The following THSD7A variants were observed in gnomAD, a reference collection of about 807,000 sequenced individuals.
THSD7A encodes the protein thrombospondin type-1 domain-containing protein 7A.
Under a neutral mutation model 231.3 loss-of-function variants are expected in THSD7A, and 96 were observed. The observed-to-expected ratio is 0.41, with a 90% confidence interval of 0.35 to 0.49. The LOEUF is 0.49. THSD7A is among the 20% of genes least tolerant of loss of function. The probability of loss-of-function intolerance (pLI) is 0.05; values close to 1 mark genes in which losing one functional copy is unlikely to be tolerated. For missense variants in THSD7A, 2,290 were observed against 2,070.2 expected (o/e 1.11, Z -2.06); for synonymous variants, 940 against 743.3 (o/e 1.26, Z -4.30).
intron 6 of THSD7A, among the ~76,000 whole-genome samples, chr7:11,537,395 G>C (rs78862486): frequency 1.3e-5 from 2 of 152,168 alleles, no homozygotes; most frequent in Non-Finnish European, 2.9e-5. Flanking sequence ...TGGATCACAG[G>C]GGTAGATTTC....
At position 11,745,505 on chromosome 7, in the gene THSD7A, A is replaced by G. The variant is rs148202829; in HGVS notation, c.190+86252T>C. The stretch of plus-strand genomic sequence containing the variant: ...TGCCCTTGCTTTTTGTGTTTTAGAA[A>G]TGAAGTCCTTGCCCATGCCTATTTC... On this transcript the variant is annotated intron_variant, in intron 1 of 27. Coordinates refer to ENST00000423059, the MANE Select transcript of THSD7A (RefSeq NM_015204.3). 4.8e-3 allele frequency among the ~76,000 whole-genome samples: 730 copies of G among 152,188 alleles called. 3 individuals are homozygous for G. The highest frequency in any genetic ancestry group is 0.01 in the Middle Eastern group (3 of 294).
chr7:11,770,975 C>T (rs1252221921), intron 1 of THSD7A, among the ~76,000 whole-genome samples: 1 of 151,388 alleles, frequency 6.6e-6, no homozygotes, highest in East Asian at 1.9e-4. Flanking sequence ...TTTTAATATT[C>T]ATGAATTTTT....
At chr7:11,442,868 C>T (rs933963805) in intron 13 of THSD7A, among the ~76,000 whole-genome samples, 14 of 152,014 alleles carry the variant, frequency 9.2e-5, no homozygotes, top group Admixed American at 3.9e-4. Context: ...GAGATCCTTT[C>T]GGAATCCCCA....
chr7:11,643,800 T>C (rs1312755591), intron 1 of THSD7A, among the ~76,000 whole-genome samples: 1 of 152,098 alleles, frequency 6.6e-6, no homozygotes, highest in Non-Finnish European at 1.5e-5. Flanking sequence ...TAAAGAATGC[T>C]ATAATGAACC....
At chr7:11,645,369 T>C (rs761813125) in intron 1 of THSD7A, among the ~76,000 whole-genome samples, 13 of 151,892 alleles carry the variant, frequency 8.6e-5, no homozygotes, top group Non-Finnish European at 1.9e-4. Context: ...TTTTCTGTTT[T>C]TGATATGCAG....
chr7:11,448,203 T>G (rs137896187), intron 11 of THSD7A, among the ~76,000 whole-genome samples: 200 of 152,192 alleles, frequency 1.3e-3, no homozygotes, highest in African/African-American at 4.5e-3. Context: ...TCATAAAAAT[T>G]ATTTCGCCTA....
intron 1 of THSD7A, among the ~76,000 whole-genome samples, chr7:11,763,530 ATC>A (rs1291772754): frequency 6.6e-6 from 1 of 152,194 alleles, no homozygotes; most frequent in African/African-American, 2.4e-5. Flanking sequence ...ATATAGATAT[ATC>A]TGTGTATATG....
intron 1 of THSD7A, among the ~76,000 whole-genome samples, chr7:11,660,007 T>G (rs759904952): frequency 1.8e-4 from 28 of 151,566 alleles, no homozygotes; most frequent in Admixed American, 1.6e-3. Context: ...CAAGGTAATT[T>G]ACATGTGTAT....
chr7:11,463,874 T>A (rs1027554867), intron 9 of THSD7A, among the ~76,000 whole-genome samples: 1 of 152,176 alleles, frequency 6.6e-6, no homozygotes, highest in African/African-American at 2.4e-5. Context: ...ATGACCTGTA[T>A]TTTAAGGCCC....
chr7:11,588,350 G>C (rs1009801619), intron 4 of THSD7A, among the ~76,000 whole-genome samples: 1 of 152,088 alleles, frequency 6.6e-6, no homozygotes, highest in African/African-American at 2.4e-5. Context: ...TTTTTAGGGA[G>C]AATTAACTGT....
chr7:11,451,355 T>C (rs61357586), intron 11 of THSD7A, among the ~76,000 whole-genome samples: 1,605 of 152,134 alleles, frequency 0.011, 79 homozygotes, highest in Admixed American at 0.071. Context: ...TATAATGCTA[T>C]TGTTATGTTA....
In THSD7A at chr7:11,397,165, A is replaced by T. The variant is rs538091419; in HGVS notation, c.4411+4630T>A. Among the ~76,000 whole-genome samples, 19 of 151,968 alleles carry T rather than the reference A, an allele frequency of 1.3e-4. 1 individual carries two copies. In the South Asian group the frequency reaches 3.7e-3, roughly 30 times the overall value. Reference sequence around the variant, plus strand: ...TAAGAGCTATTTATGTCAAACCCACAGCCACAGGGCTACAGTAACCAAAAC... The same window carrying T: ...TAAGAGCTATTTATGTCAAACCCACTGCCACAGGGCTACAGTAACCAAAAC... On this transcript the variant is annotated intron_variant, in intron 23 of 27. Transcript: ENST00000423059.
intron 1 of THSD7A, chr7:11,821,340 G>T: frequency 1.4e-6 from 1 of 704,534 alleles, no homozygotes. Context: ...TTCATTTGGA[G>T]CTAAGAGGAC....
intron 6 of THSD7A, among the ~76,000 whole-genome samples, chr7:11,488,744 A>G (rs1786766829): frequency 6.6e-6 from 1 of 152,100 alleles, no homozygotes; most frequent in East Asian, 1.9e-4. Context: ...ATATTAGCTG[A>G]AAACCAACTT....
At chr7:11,380,674 A>C (rs1365669065) in intron 24 of THSD7A, among the ~76,000 whole-genome samples, 1 of 152,214 alleles carries the variant, frequency 6.6e-6, no homozygotes, top group Non-Finnish European at 1.5e-5. Context: ...GTTTCTTACA[A>C]GGACAATTCA....
intron 8 of THSD7A, among the ~76,000 whole-genome samples, chr7:11,470,290 ATAAG>A (rs1205806674): frequency 3.3e-5 from 5 of 152,104 alleles, no homozygotes; most frequent in African/African-American, 1.2e-4. Context: ...CTCTCCATTA[ATAAG>A]TATTTATATT....
intron 24 of THSD7A, 127 bp downstream of exon 24, chr7:11,382,394 C>T (rs1782552410): frequency 1.4e-6 from 1 of 736,614 alleles, no homozygotes; most frequent in Non-Finnish European, 2.3e-6. Flanking sequence ...ACAGCTTAGG[C>T]ATCCTGAATC....
At chr7:11,550,566 T>G (rs9638673) in intron 4 of THSD7A, among the ~76,000 whole-genome samples, 38,563 of 152,048 alleles carry the variant, frequency 0.25, 4,972 homozygotes, top group Middle Eastern at 0.38. Flanking sequence ...CTCTCTTTCC[T>G]GCCATCTTGT....
intron 1 of THSD7A, among the ~76,000 whole-genome samples, chr7:11,808,988 G>A (rs1784463487): frequency 6.6e-6 from 1 of 151,988 alleles, no homozygotes; most frequent in South Asian, 2.1e-4. Flanking sequence ...GGAATATTTT[G>A]TAAAATAAGA....
Sources: gnomAD v4.1 joint callset for allele counts (sites outside exome capture counted in the v4.1 genomes callset) on GRCh38, gnomAD v4.1.1 for gene constraint, MANE v1.5 for transcripts, NCBI Gene and HGNC (gene_info 2026-07-23, HGNC 2026-07-21) for gene names.